GRHL2: variants seen among roughly 807,000 people sequenced by gnomAD.
GRHL2 encodes grainyhead-like protein 2 homolog.
In GRHL2, 21 loss-of-function variants were observed where a neutral mutation model predicts 83.8. The ratio of observed to expected loss-of-function variants is 0.25; its 90% CI spans 0.18 to 0.36. The LOEUF (loss-of-function observed/expected upper bound fraction) is 0.36, where lower values mean the gene tolerates loss of function less well. Ranked by LOEUF, GRHL2 falls within the 10% of genes least tolerant of loss-of-function variation. The probability of loss-of-function intolerance (pLI) is 1.00; values close to 1 mark genes in which losing one functional copy is unlikely to be tolerated. For missense variants in GRHL2, 623 were observed against 781.8 expected, an observed-to-expected ratio of 0.80 and a Z score of 2.42; for synonymous variants, 280 against 278.9, an observed-to-expected ratio of 1.00 and a Z score of -0.04.
At chr8:101,563,146 A>G (rs1361048603) in intron 4 of GRHL2, among the ~76,000 whole-genome samples, 1 of 152,186 alleles carries the variant, frequency 6.6e-6, no homozygotes, top group Non-Finnish European at 1.5e-5. Context: ...TGAGGGATAG[A>G]GAGCATAAGT....
In GRHL2 at chr8:101,624,203, CAGT is replaced by C. The variant is rs539422533; in HGVS notation, c.1257+4509_1257+4511del. Among the ~76,000 whole-genome samples, 1,169 of 150,320 alleles carry C rather than the reference CAGT, an allele frequency of 7.8e-3. 18 individuals carry two copies. Among genetic ancestry groups the C allele is most frequent in the African/African-American group, 0.027 (1,104 of 40,528 alleles). The stretch of plus-strand genomic sequence containing the variant: ...ACACAGTACACAGTAGGACAGTACA[CAGT>C]AGAACAGTTCACAGTATACAGTAGG... On this transcript the variant is annotated intron_variant, in intron 9 of 15. Transcript: ENST00000646743.
chr8:101,588,421 A>G (rs1209838583), intron 7 of GRHL2, among the ~76,000 whole-genome samples: 2 of 152,254 alleles, frequency 1.3e-5, no homozygotes, highest in Non-Finnish European at 2.9e-5. Context: ...AACATGAGTC[A>G]TTCAAGTAGC....
chr8:101,567,255 C>A (rs1474031715), intron 4 of GRHL2, among the ~76,000 whole-genome samples: 1 of 152,180 alleles, frequency 6.6e-6, no homozygotes, highest in East Asian at 1.9e-4. Context: ...ACCTTCTTTA[C>A]TATCATTTTT....
chr8:101,509,402 AC>A, intron 1 of GRHL2, among the ~76,000 whole-genome samples: 1 of 152,052 alleles, frequency 6.6e-6, no homozygotes, highest in South Asian at 2.1e-4. Context: ...AACATCTGTC[AC>A]ATGCATGTTG....
Position 101,564,155 on chromosome 8 carries a change from G to C in GRHL2, c.678+5343G>C, listed in dbSNP as rs76970035. ...TCCCACTGATTTTGGTTGAGCTGCT[G>C]TCCTTGTCTTGGAAATCAGTGTTTA... On this transcript the variant is annotated intron_variant, in intron 4 of 15. Coordinates refer to ENST00000646743, the MANE Select transcript of GRHL2 (RefSeq NM_024915.4). Among the ~76,000 whole-genome samples, 960 of 152,310 alleles carry C rather than the reference G, an allele frequency of 6.3e-3. 15 individuals carry two copies. The highest frequency in any genetic ancestry group is 0.021 in the African/African-American group (883 of 41,570).
intron 14 of GRHL2, among the ~76,000 whole-genome samples, chr8:101,659,504 G>A (rs947341300): frequency 4.6e-5 from 7 of 152,152 alleles, no homozygotes; most frequent in African/African-American, 1.7e-4. Context: ...TCTGTTAACT[G>A]GGTCATTCTA....
At chr8:101,643,319 G>A (rs1444303615) in intron 12 of GRHL2, among the ~76,000 whole-genome samples, 1 of 134,198 alleles carries the variant, frequency 7.5e-6, no homozygotes. Context: ...TCCATTCGGG[G>A]ACATTTTCTC....
intron 15 of GRHL2, among the ~76,000 whole-genome samples, chr8:101,665,242 T>C (rs1436358382): frequency 6.6e-6 from 1 of 152,144 alleles, no homozygotes; most frequent in African/African-American, 2.4e-5. Flanking sequence ...CCGTCTGACT[T>C]TCTGTGTGGG....
intron 1 of GRHL2, among the ~76,000 whole-genome samples, chr8:101,496,698 G>A (rs7823875): frequency 0.035 from 5,394 of 152,204 alleles, 325 homozygotes; most frequent in African/African-American, 0.12. Flanking sequence ...GAGAATAATG[G>A]GGAGGTCTTT....
chr8:101,582,119 T>A (rs1427600891), intron 7 of GRHL2, among the ~76,000 whole-genome samples: 1 of 151,826 alleles, frequency 6.6e-6, no homozygotes, highest in Non-Finnish European at 1.5e-5. Flanking sequence ...GCACCTACAA[T>A]TCCAGCTACC....
the GRHL2 span, among the ~76,000 whole-genome samples, chr8:101,678,333 G>A: frequency 6.6e-6 from 1 of 152,156 alleles, no homozygotes; most frequent in East Asian, 1.9e-4. Flanking sequence ...GAAGAACCTG[G>A]AAAATCGGGT....
Position 101,547,744 on chromosome 8 carries a change from AG to A in GRHL2, c.216+4309del, listed in dbSNP as rs1811295404. On this transcript the variant is annotated intron_variant, in intron 2 of 15. Coordinates refer to ENST00000646743, the MANE Select transcript of GRHL2 (RefSeq NM_024915.4). ...TTTGAATCCATTTAAAAATTTTAAA[AG>A]TATGCATTTGGAGCTTAATAAGTTG... is the stretch of plus-strand genomic sequence containing the variant. Among the ~76,000 whole-genome samples, 3 of 152,220 alleles carry A rather than the reference AG, an allele frequency of 2.0e-5. No homozygotes were observed. In the South Asian group the frequency reaches 6.2e-4, roughly 32 times the overall value.
At chr8:101,617,333 C>G (rs1210730725) in intron 8 of GRHL2, among the ~76,000 whole-genome samples, 1 of 151,990 alleles carries the variant, frequency 6.6e-6, no homozygotes, top group African/African-American at 2.4e-5. Flanking sequence ...TGGTACCCCA[C>G]TAAGACATTC....
chr8:101,583,958 A>G (rs1285384209), intron 7 of GRHL2, among the ~76,000 whole-genome samples: 2 of 152,244 alleles, frequency 1.3e-5, no homozygotes, highest in African/African-American at 2.4e-5. Flanking sequence ...AATAATGCAC[A>G]TAACAGCTCT....
chr8:101,555,995 G>A (rs1039648909), intron 3 of GRHL2, among the ~76,000 whole-genome samples: 1 of 151,928 alleles, frequency 6.6e-6, no homozygotes, highest in Non-Finnish European at 1.5e-5. Context: ...TGCCCTTGTT[G>A]CCCAGGCTAG....
chr8:101,536,212 T>C (rs1005883528), intron 1 of GRHL2, among the ~76,000 whole-genome samples: 19 of 152,322 alleles, frequency 1.2e-4, no homozygotes, highest in Non-Finnish European at 2.4e-4. Flanking sequence ...AGACCTTAAA[T>C]GTCAGACAGA....
At chr8:101,493,559 G>A (rs1175589399) in intron 1 of GRHL2, among the ~76,000 whole-genome samples, 1 of 152,178 alleles carries the variant, frequency 6.6e-6, no homozygotes, top group Non-Finnish European at 1.5e-5. Context: ...GCCTCGGCGG[G>A]GCGCGAAGGG....
intron 1 of GRHL2, among the ~76,000 whole-genome samples, chr8:101,499,251 A>C (rs1386553634): frequency 6.6e-6 from 1 of 152,234 alleles, no homozygotes; most frequent in Non-Finnish European, 1.5e-5. Context: ...TAATTCAGGC[A>C]ACTGCCTCAG....
intron 3 of GRHL2, among the ~76,000 whole-genome samples, chr8:101,555,962 A>G (rs1811480952): frequency 6.7e-6 from 1 of 150,200 alleles, no homozygotes; most frequent in South Asian, 2.1e-4. Context: ...TTGGAAGAAC[A>G]TTTTTTTTTT....
Sources: allele counts gnomAD v4.1 joint callset (sites outside exome capture counted in the v4.1 genomes callset), GRCh38; gene constraint gnomAD v4.1.1; transcripts MANE v1.5; gene names NCBI Gene and HGNC (gene_info 2026-07-23, HGNC 2026-07-21).